The following STARD13 variants were observed in gnomAD, a reference collection of about 807,000 sequenced individuals.
STARD13 encodes the protein StAR related lipid transfer domain containing 13.
STARD13 carries 62 observed loss-of-function variants against 106.4 expected under a neutral mutation model. That is an observed-to-expected ratio of 0.58 (90% CI 0.48 to 0.72). The LOEUF is 0.72. Ranked by LOEUF, STARD13 falls within the 30% of genes least tolerant of loss-of-function variation. The pLI is 0.00. For missense variants in STARD13, 1,387 were observed against 1,424.0 expected, an observed-to-expected ratio of 0.97 and a Z score of 0.42; for synonymous variants, 565 against 553.0, an observed-to-expected ratio of 1.02 and a Z score of -0.31.
chr13:33,355,675 G>A, the STARD13 span: 1 of 152,182 alleles, frequency 6.6e-6, no homozygotes, highest in Admixed American at 6.5e-5. Flanking sequence ...TGCTGTTGGA[G>A]ATTGTGAAAT....
intron 1 of STARD13, among the ~76,000 whole-genome samples, chr13:33,216,149 A>G (rs1337494673): frequency 6.6e-6 from 1 of 150,656 alleles, no homozygotes; most frequent in African/African-American, 2.5e-5. Flanking sequence ...TCTGGAAAAC[A>G]GTGTGGAGAT....
In STARD13 at chr13:33,103,557, G is replaced by A. The variant is rs1439896857; in HGVS notation, c.*2036C>T. Reference sequence around the variant, plus strand: ...AGTGTGGTTTTAGGCCAGCAGCATAGGCATCCCTGAGACTCCTTAGAAATG... The same window carrying A: ...AGTGTGGTTTTAGGCCAGCAGCATAAGCATCCCTGAGACTCCTTAGAAATG... On this transcript the variant is annotated 3_prime_UTR_variant, in exon 14 of 14. Coordinates refer to ENST00000336934, the MANE Select transcript of STARD13 (RefSeq NM_178006.4). The A allele has an allele frequency of 6.6e-6, 1 of 152,620 alleles. No homozygotes were observed. Among genetic ancestry groups the A allele is most frequent in the African/African-American group, 2.4e-5 (1 of 41,444 alleles). The allele number at this position is 152,620 out of a possible 1,614,324, so 9.5% of individuals were successfully genotyped here.
intron 1 of STARD13, among the ~76,000 whole-genome samples, chr13:33,255,108 CT>C (rs113976993): frequency 0.18 from 27,893 of 151,266 alleles, 2,785 homozygotes; most frequent in African/African-American, 0.23. Context: ...TCCCCCCCCC[CT>C]CAGAGGCTTG....
intron 1 of STARD13, among the ~76,000 whole-genome samples, chr13:33,193,164 T>C (rs978305251): frequency 1.3e-5 from 2 of 152,246 alleles, no homozygotes; most frequent in African/African-American, 4.8e-5. Flanking sequence ...ACATAATTTC[T>C]TCATTTATTT....
intron 1 of STARD13, among the ~76,000 whole-genome samples, chr13:33,339,909 A>G (rs377172454): frequency 3.4e-5 from 5 of 146,648 alleles, no homozygotes; most frequent in African/African-American, 9.9e-5. Context: ...TGTCTCAAAG[A>G]AAAAAAAAAA....
intron 1 of STARD13, chr13:33,271,452 TC>T (rs1168146019): frequency 1.3e-5 from 2 of 152,408 alleles, no homozygotes; most frequent in East Asian, 3.9e-4. Flanking sequence ...AGAATGGGCA[TC>T]CCACCCCAGC....
the STARD13 span, among the ~76,000 whole-genome samples, chr13:33,405,693 C>T: frequency 3.9e-5 from 6 of 152,182 alleles, no homozygotes; most frequent in Admixed American, 2.0e-4. Context: ...ATCTGTTGAA[C>T]GAATGATATA....
intron 1 of STARD13, chr13:33,334,175 G>A (rs1361662148): frequency 6.6e-6 from 1 of 152,194 alleles, no homozygotes; most frequent in Non-Finnish European, 1.5e-5. Flanking sequence ...GCACTGATTT[G>A]CAAGAGAAGT....
At chr13:33,396,293 A>G in the STARD13 span, among the ~76,000 whole-genome samples, 2 of 152,240 alleles carry the variant, frequency 1.3e-5, no homozygotes, top group African/African-American at 2.4e-5. Flanking sequence ...ACGGTGTCCA[A>G]CCAAGATGTG....
the STARD13 span, among the ~76,000 whole-genome samples, chr13:33,364,578 A>G: frequency 6.6e-6 from 1 of 152,142 alleles, no homozygotes; most frequent in African/African-American, 2.4e-5. Flanking sequence ...GTTTTAAAGG[A>G]GAATAGAATA....
the STARD13 span, among the ~76,000 whole-genome samples, chr13:33,460,906 A>G: frequency 1.3e-5 from 2 of 152,256 alleles, no homozygotes; most frequent in Admixed American, 1.3e-4. Flanking sequence ...ACTCTGTAAT[A>G]AAAAGAAATG....
At chr13:33,546,431 A>G in the STARD13 span, among the ~76,000 whole-genome samples, 19 of 152,218 alleles carry the variant, frequency 1.2e-4, no homozygotes, top group South Asian at 2.9e-3. Flanking sequence ...TTGACTAACT[A>G]TTGGGCCAGT....
At chr13:33,410,201 T>C in the STARD13 span, among the ~76,000 whole-genome samples, 2 of 152,238 alleles carry the variant, frequency 1.3e-5, no homozygotes, top group Admixed American at 1.3e-4. Flanking sequence ...GATAGATGAC[T>C]AGGTTAGGTC....
chr13:33,293,047 C>T (rs73468177), intron 1 of STARD13, among the ~76,000 whole-genome samples: 1,783 of 152,278 alleles, frequency 0.012, 32 homozygotes, highest in African/African-American at 0.04. Flanking sequence ...TGCATGGAGC[C>T]TTCCTATGGC....
chr13:33,364,351 A>G, the STARD13 span, among the ~76,000 whole-genome samples: 1 of 152,226 alleles, frequency 6.6e-6, no homozygotes, highest in Non-Finnish European at 1.5e-5. Context: ...CACTCAAACC[A>G]GAGTGGGAGT....
At chr13:33,605,213 T>A in the STARD13 span, among the ~76,000 whole-genome samples, 1 of 139,176 alleles carries the variant, frequency 7.2e-6, no homozygotes, top group Admixed American at 7.9e-5. Flanking sequence ...CACTCCAGCC[T>A]GGGTGACAGA....
chr13:33,348,857 T>C, exon 2 of STARD13: 1 of 386,490 alleles, frequency 2.6e-6, no homozygotes, highest in Non-Finnish European at 4.9e-6. Flanking sequence ...GGCCACTGTG[T>C]TGGAGAGAAA....
the STARD13 span, among the ~76,000 whole-genome samples, chr13:33,617,382 G>C: frequency 6.6e-6 from 1 of 152,294 alleles, no homozygotes; most frequent in Admixed American, 6.5e-5. Flanking sequence ...CTTAATAGTT[G>C]AAGAGGCATT....
chr13:33,482,900 CTTAAAAA>C, the STARD13 span, among the ~76,000 whole-genome samples: 1 of 152,126 alleles, frequency 6.6e-6, no homozygotes, highest in East Asian at 1.9e-4. Flanking sequence ...TTTATCTTTT[CTTAAAAA>C]TTAAGCAGAT....
Sources: gnomAD v4.1 joint callset for allele counts (sites outside exome capture counted in the v4.1 genomes callset) on GRCh38, gnomAD v4.1.1 for gene constraint, MANE v1.5 for transcripts, NCBI Gene and HGNC (gene_info 2026-07-23, HGNC 2026-07-21) for gene names.